The following FOS variants were observed in gnomAD, a reference collection of about 807,000 sequenced individuals.
FOS encodes the protein protein c-Fos.
FOS carries 9 observed loss-of-function variants against 27.2 expected under a neutral mutation model. The ratio of observed to expected loss-of-function variants is 0.33; its 90% confidence interval spans 0.20 to 0.58. FOS has a LOEUF of 0.58. FOS is among the 20% of genes least tolerant of loss of function. The pLI, the probability that FOS is intolerant of heterozygous loss-of-function variation, is 0.87. For synonymous variants in FOS, 213 were observed against 205.1 expected (o/e 1.04, Z -0.33); for missense variants, 405 against 483.5 (o/e 0.84, Z 1.52).
chr14:75,281,119 C>A lies in FOS; in HGVS notation c.838C>A (p.Pro280Thr), dbSNP rs761977345. 1 of 1,609,468 alleles carries A rather than the reference C, an allele frequency of 6.2e-7. No individual in the cohort carries two copies. Among genetic ancestry groups the A allele is most frequent in the Non-Finnish European group, 8.5e-7 (1 of 1,179,996 alleles). ...CTTCCTGTTCCCAGCATCATCCAGG[C>A]CCAGTGGCTCTGAGACAGCCCGCTC... ...DDFLFPASSR[P>T]SGSETARSVP... Residue 280 changes from proline (P) to threonine (T), a missense_variant, in exon 4 of 4, where the codon CCC becomes ACC. Pro to Thr is a conservative substitution (Grantham distance 38). Transcript: ENST00000303562. The surrounding 1 kb of genome is among the most constrained non-coding windows in gnomAD (Gnocchi z 4.7).
At position 75,280,644 on chromosome 14, in the gene FOS, G is replaced by T. The variant is rs773908493; in HGVS notation, c.478G>T (p.Glu160Ter). ...AAAKCRNRRR[E>*]LTDTLQAETD... ...AGCCAAATGCCGCAACCGGAGGAGGGAGCTGACTGATACACTCCAAGCGGT... is the reference window on the plus strand; with the variant it reads ...AGCCAAATGCCGCAACCGGAGGAGGTAGCTGACTGATACACTCCAAGCGGT... The change falls in exon 3 of 4, where the codon GAG (glutamate) becomes TAG (stop). Residue 160 changes from glutamate (E) to a stop codon, truncating the protein, a stop_gained. Transcript: ENST00000303562. LOFTEE classifies it high-confidence loss of function. The T allele has an allele frequency of 6.2e-7, 1 of 1,614,158 alleles. No homozygotes were observed. Among genetic ancestry groups the T allele is most frequent in the South Asian group, 1.1e-5 (1 of 91,078 alleles).
At position 75,278,964 on chromosome 14, in the gene FOS, G is replaced by C. The variant is rs746645460; in HGVS notation, c.-19G>C. 6.2e-7 allele frequency: 1 copy of C among 1,613,126 alleles called. No homozygotes were observed. Among genetic ancestry groups the C allele is most frequent in the South Asian group, 1.1e-5 (1 of 91,052 alleles). The stretch of plus-strand genomic sequence containing the variant: ...TCTCCGCCCCTCGGCCCCTCGCCCG[G>C]CTTTGCCTAACCGCCACGATGATGT... On this transcript the variant is annotated 5_prime_UTR_variant, in exon 1 of 4. Transcript: ENST00000303562. The surrounding 1 kb of genome is among the most constrained non-coding windows in gnomAD (Gnocchi z 4.1).
At position 75,278,849 on chromosome 14, in the gene FOS, C is replaced by G; in HGVS notation, c.-134C>G. 9.5e-7 allele frequency: 1 copy of G among 1,048,848 alleles called. No individual in the cohort carries two copies. The highest frequency in any genetic ancestry group is 1.5e-5 in the South Asian group (1 of 65,752). 65.0% of individuals were successfully genotyped at this position (1,048,848 alleles called of 1,614,324 possible). A position where few individuals can be genotyped will look rare whatever the true frequency, so the allele number is the denominator to read the frequency against. On this transcript the variant is annotated 5_prime_UTR_variant, in exon 1 of 4. In the 5' UTR this introduces an upstream ATG that the reference lacks. Coordinates refer to ENST00000303562, the MANE Select transcript of FOS (RefSeq NM_005252.4). This position sits in a 1 kb window ranked among gnomAD's most constrained non-coding sequence, Gnocchi z 4.1. ...CTCCAACCGCATCTGCAGCGAGCAT[C>G]TGAGAAGCCAAGACTGAGCCGGCGG...
chr14:75,280,083 A>G lies in FOS; in HGVS notation c.348A>G (p.Thr116=), dbSNP rs1047557832. Residue 116 remains threonine (T), a synonymous_variant, in exon 2 of 4, where the codon ACA becomes ACG. Coordinates refer to ENST00000303562, the MANE Select transcript of FOS (RefSeq NM_005252.4). ...YSRAGVVKTM[T]GGRAQSIGRR... ...GGGCTGGCGTTGTGAAGACCATGACAGGAGGCCGAGCGCAGAGCATTGGCA... is the reference window on the plus strand; with the variant it reads ...GGGCTGGCGTTGTGAAGACCATGACGGGAGGCCGAGCGCAGAGCATTGGCA... 1.2e-6 allele frequency: 2 copies of G among 1,613,968 alleles called. No individual in the cohort carries two copies. Among genetic ancestry groups the G allele is most frequent in the East Asian group, 2.2e-5 (1 of 44,894 alleles).
chr14:75,279,410 G>A lies in FOS; in HGVS notation c.141+287G>A. ...ATTAGCTGGAGCAGACGTGTCCCAA[G>A]CACAAACTCGCTAACTAGAGCCTGG... On this transcript the variant is annotated intron_variant, in intron 1 of 3. Transcript: ENST00000303562. This position sits in a 1 kb window ranked among gnomAD's most constrained non-coding sequence, Gnocchi z 5.4. 1 of 498,770 alleles carries A rather than the reference G, an allele frequency of 2.0e-6. No homozygotes were observed. 30.9% of individuals were successfully genotyped at this position (498,770 alleles called of 1,614,324 possible).
rs1216239820 is a variant in FOS at position 75,280,094 on chromosome 14, C to G, written c.359C>G (p.Ala120Gly). The change falls in exon 2 of 4, where the codon GCG becomes GGG. Residue 120 changes from alanine to glycine, a missense_variant. Coordinates refer to ENST00000303562, the MANE Select transcript of FOS (RefSeq NM_005252.4). Reference sequence around the variant, plus strand: ...GTGAAGACCATGACAGGAGGCCGAGCGCAGAGCATTGGCAGGAGGGGCAAG... The same window carrying G: ...GTGAAGACCATGACAGGAGGCCGAGGGCAGAGCATTGGCAGGAGGGGCAAG... ...GVVKTMTGGR[A>G]QSIGRRGKVE... 6.2e-7 allele frequency: 1 copy of G among 1,614,052 alleles called. No individual in the cohort carries two copies. The highest frequency in any genetic ancestry group is 8.5e-7 in the Non-Finnish European group (1 of 1,180,038).
At position 75,282,228 on chromosome 14, in the gene FOS, C is replaced by T. The variant is rs1196645241; in HGVS notation, c.*804C>T. ...TCAATAAAAGCATTTAAGTTGAATG[C>T]GACCAACCTTGTGCTCTTTTCATTC... On this transcript the variant is annotated 3_prime_UTR_variant, in exon 4 of 4. Transcript: ENST00000303562. 2 of 152,102 alleles carry T rather than the reference C, an allele frequency of 1.3e-5. No individual in the cohort carries two copies. The highest frequency in any genetic ancestry group is 4.8e-5 in the African/African-American group (2 of 41,410). 9.4% of individuals were successfully genotyped at this position (152,102 alleles called of 1,614,324 possible). A position where few individuals can be genotyped will look rare whatever the true frequency, so the allele number is the denominator to read the frequency against.
chr14:75,280,417 C>T, intron 2 of FOS, 143 bp from the exon 3 acceptor site: 3 of 714,184 alleles, frequency 4.2e-6, no homozygotes, highest in Non-Finnish European at 7.1e-6. Flanking sequence ...CACACCTAGT[C>T]TGCAACTGCA....
At position 75,280,087 on chromosome 14, in the gene FOS, G is replaced by A; in HGVS notation, c.352G>A (p.Gly118Ser). Residue 118 changes from glycine (G) to serine (S), a missense_variant, in exon 2 of 4, where the codon GGC becomes AGC. Gly to Ser is a moderately conservative substitution (Grantham distance 56). Transcript: ENST00000303562. ...RAGVVKTMTGGRAQSIGRRGK... is the reference protein window; with the variant it reads ...RAGVVKTMTGSRAQSIGRRGK... The stretch of plus-strand genomic sequence containing the variant: ...TGGCGTTGTGAAGACCATGACAGGA[G>A]GCCGAGCGCAGAGCATTGGCAGGAG... 1.9e-6 allele frequency: 3 copies of A among 1,614,112 alleles called. No homozygotes were observed. Among genetic ancestry groups the A allele is most frequent in the Non-Finnish European group, 1.7e-6 (2 of 1,180,044 alleles).
chr14:75,281,638 C>T lies in FOS; in HGVS notation c.*214C>T, dbSNP rs1436768517. On this transcript the variant is annotated 3_prime_UTR_variant, in exon 4 of 4. Coordinates refer to ENST00000303562, the MANE Select transcript of FOS (RefSeq NM_005252.4). The surrounding 1 kb of genome is among the most constrained non-coding windows in gnomAD (Gnocchi z 4.7). The stretch of plus-strand genomic sequence containing the variant: ...TACCTCTTCCGGAGATGTAGCAAAA[C>T]GCATGGAGTGTGTATTGTTCCCAGT... The T allele has an allele frequency of 8.4e-6, 5 of 594,020 alleles. 1 individual carries two copies. Among genetic ancestry groups the T allele is most frequent in the African/African-American group, 5.6e-5 (3 of 53,756 alleles). 36.8% of individuals were successfully genotyped at this position (594,020 alleles called of 1,614,324 possible). A position where few individuals can be genotyped will look rare whatever the true frequency, so the allele number is the denominator to read the frequency against.
Position 75,279,284 on chromosome 14 carries a change from T to C in FOS, c.141+161T>C, listed in dbSNP as rs777192280. 2.2e-6 allele frequency: 2 copies of C among 895,074 alleles called. No individual in the cohort carries two copies. Among genetic ancestry groups the C allele is most frequent in the Non-Finnish European group, 3.4e-6 (2 of 587,996 alleles). The allele number at this position is 895,074 out of a possible 1,614,324, so 55.4% of individuals were successfully genotyped here. ...CGGCTCGGGGGCTCGGGACTTGCTC[T>C]GAGCGCACGCACGCTTGCCATAGTA... On this transcript the variant is annotated intron_variant, in intron 1 of 3. Coordinates refer to ENST00000303562, the MANE Select transcript of FOS (RefSeq NM_005252.4). The surrounding 1 kb of genome is among the most constrained non-coding windows in gnomAD (Gnocchi z 5.4).
At position 75,280,920 on chromosome 14, in the gene FOS, A is replaced by G. The variant is rs776449204; in HGVS notation, c.639A>G (p.Pro213=). The G allele has an allele frequency of 1.9e-6, 3 of 1,614,040 alleles. No homozygotes were observed. In the Admixed American group the frequency reaches 5.0e-5, roughly 27 times the overall value. The change falls in exon 4 of 4, where the codon CCA becomes CCG. Residue 213 remains proline, a synonymous_variant. Coordinates refer to ENST00000303562, the MANE Select transcript of FOS (RefSeq NM_005252.4). Reference sequence around the variant, plus strand: ...AGATCCCTGATGACCTGGGCTTCCCAGAAGAGATGTCTGTGGCTTCCCTTG... The same window carrying G: ...AGATCCCTGATGACCTGGGCTTCCCGGAAGAGATGTCTGTGGCTTCCCTTG... ...ACKIPDDLGF[P]EEMSVASLDL...
In FOS at chr14:75,280,604, G is replaced by A; in HGVS notation, c.438G>A (p.Arg146=). ...AGAAAAGGAGAATCCGAAGGGAAAG[G>A]AATAAGATGGCTGCAGCCAAATGCC... The part of the protein sequence containing the change: ...EEEKRRIRRE[R]NKMAAAKCRN... Residue 146 remains arginine, a synonymous_variant, in exon 3 of 4, where the codon AGG becomes AGA. Transcript: ENST00000303562. 1 of 1,614,154 alleles carries A rather than the reference G, an allele frequency of 6.2e-7. No individual in the cohort carries two copies. Among genetic ancestry groups the A allele is most frequent in the Non-Finnish European group, 8.5e-7 (1 of 1,179,990 alleles).
In FOS at chr14:75,279,380, C is replaced by G; in HGVS notation, c.141+257C>G. On this transcript the variant is annotated intron_variant, in intron 1 of 3. Coordinates refer to ENST00000303562, the MANE Select transcript of FOS (RefSeq NM_005252.4). The surrounding 1 kb of genome is among the most constrained non-coding windows in gnomAD (Gnocchi z 5.4). ...CTGGTCTGCACTCCAGGACGGATCT[C>G]TGACATTAGCTGGAGCAGACGTGTC... The G allele has an allele frequency of 1.8e-6, 1 of 542,008 alleles. No individual in the cohort carries two copies. The highest frequency in any genetic ancestry group is 3.3e-6 in the Non-Finnish European group (1 of 307,328). 33.6% of individuals were successfully genotyped at this position (542,008 alleles called of 1,614,324 possible).
At position 75,280,138 on chromosome 14, in the gene FOS, T is replaced by C; in HGVS notation, c.393+10T>C. 1 of 1,613,524 alleles carries C rather than the reference T, an allele frequency of 6.2e-7. No individual in the cohort carries two copies. The highest frequency in any genetic ancestry group is 8.5e-7 in the Non-Finnish European group (1 of 1,179,986). On this transcript the variant is annotated intron_variant, in intron 2 of 3. Coordinates refer to ENST00000303562, the MANE Select transcript of FOS (RefSeq NM_005252.4). ...GGGCAAGGTGGAACAGGTGAGGAAC[T>C]CTAGCGTACTCTTCCTGGGAATGTG...
Position 75,281,043 on chromosome 14 carries a change from A to G in FOS, c.762A>G (p.Glu254=). Residue 254 remains glutamate (E), a synonymous_variant, in exon 4 of 4, where the codon GAA becomes GAG. Coordinates refer to ENST00000303562, the MANE Select transcript of FOS (RefSeq NM_005252.4). This position sits in a 1 kb window ranked among gnomAD's most constrained non-coding sequence, Gnocchi z 4.7. ...LNDPEPKPSV[E]PVKSISSMEL... ...ACCCTGAGCCCAAGCCCTCAGTGGAACCTGTCAAGAGCATCAGCAGCATGG... is the reference window on the plus strand; with the variant it reads ...ACCCTGAGCCCAAGCCCTCAGTGGAGCCTGTCAAGAGCATCAGCAGCATGG... 3.1e-6 allele frequency: 5 copies of G among 1,613,548 alleles called. No individual in the cohort carries two copies. Among genetic ancestry groups the G allele is most frequent in the Non-Finnish European group, 4.2e-6 (5 of 1,180,020 alleles).
chr14:75,281,418 C>T lies in FOS; in HGVS notation c.1137C>T (p.Ala379=). ...SDSLSSPTLL[A]L is the part of the protein sequence containing the mutation. ...CGCTCAGCTCACCCACGCTGCTGGCCCTGTGAGGGGGCAGGGAAGGGGAGG... is the reference window on the plus strand; with the variant it reads ...CGCTCAGCTCACCCACGCTGCTGGCTCTGTGAGGGGGCAGGGAAGGGGAGG... The change falls in exon 4 of 4, where the codon GCC becomes GCT. Residue 379 remains alanine, a synonymous_variant. Coordinates refer to ENST00000303562, the MANE Select transcript of FOS (RefSeq NM_005252.4). This position sits in a 1 kb window ranked among gnomAD's most constrained non-coding sequence, Gnocchi z 4.7. The T allele has an allele frequency of 6.2e-7, 1 of 1,610,238 alleles. No individual in the cohort carries two copies. The highest frequency in any genetic ancestry group is 8.5e-7 in the Non-Finnish European group (1 of 1,179,458).
Position 75,280,579 on chromosome 14 carries a change from A to C in FOS, c.413A>C (p.Glu138Ala), listed in dbSNP as rs1488235728. 29 of 1,613,574 alleles carry C rather than the reference A, an allele frequency of 1.8e-5. No individual in the cohort carries two copies. Among genetic ancestry groups the C allele is most frequent in the Non-Finnish European group, 2.4e-5 (28 of 1,179,764 alleles). ...KVEQLSPEEE[E>A]KRRIRRERNK... ...TTCTAGTTATCTCCAGAAGAAGAAG[A>C]GAAAAGGAGAATCCGAAGGGAAAGG... is the stretch of plus-strand genomic sequence containing the variant. Residue 138 changes from glutamate to alanine, a missense_variant, in exon 3 of 4, where the codon GAG becomes GCG. Physicochemically the swap from Glu to Ala is moderately radical, Grantham distance 107. Coordinates refer to ENST00000303562, the MANE Select transcript of FOS (RefSeq NM_005252.4).
Position 75,280,647 on chromosome 14 carries a change from C to T in FOS, c.481C>T (p.Leu161=), listed in dbSNP as rs1024053802. 1 of 1,614,008 alleles carries T rather than the reference C, an allele frequency of 6.2e-7. No individual in the cohort carries two copies. Among genetic ancestry groups the T allele is most frequent in the African/African-American group, 1.3e-5 (1 of 75,024 alleles). Residue 161 remains leucine, a synonymous_variant, in exon 3 of 4, where the codon CTG becomes TTG. Transcript: ENST00000303562. ...CAAATGCCGCAACCGGAGGAGGGAG[C>T]TGACTGATACACTCCAAGCGGTAGG... ...AAKCRNRRRE[L]TDTLQAETDQ...
Sources: gnomAD v4.1 joint callset for allele counts on GRCh38, gnomAD v4.1.1 for gene constraint, Gnocchi (gnomAD v3.1) non-coding constraint, MANE v1.5 for transcripts, NCBI Gene and HGNC (gene_info 2026-07-23, HGNC 2026-07-21) for gene names.